TFDP2: variants seen among roughly 807,000 people sequenced by gnomAD.
TFDP2 encodes transcription factor Dp-2 (E2F dimerization partner 2).
In TFDP2, 17 loss-of-function variants were observed where a neutral mutation model predicts 59.3. The observed-to-expected ratio is 0.29, with a 90% CI of 0.20 to 0.43. The LOEUF (loss-of-function observed/expected upper bound fraction) is 0.43. Ranked by LOEUF, TFDP2 falls within the 20% of genes least tolerant of loss-of-function variation. The pLI, the probability that TFDP2 is intolerant of heterozygous loss-of-function variation, is 1.00. For missense variants in TFDP2, 391 were observed against 528.8 expected (o/e 0.74, Z 2.56); for synonymous variants, 180 against 194.7 (o/e 0.92, Z 0.63).
Position 141,973,892 on chromosome 3 carries a change from C to T in TFDP2, c.663+156G>A, listed in dbSNP as rs552496380. On this transcript the variant is annotated intron_variant, in intron 8 of 12. Coordinates refer to ENST00000489671, the MANE Select transcript of TFDP2 (RefSeq NM_001178139.2). The stretch of plus-strand genomic sequence containing the variant: ...TAAACTGCAGACTATACCTATAAGG[C>T]GCCTTCCAATTCTAAAATTCTACAG... 6.6e-5 allele frequency among the ~76,000 whole-genome samples: 10 copies of T among 152,128 alleles called. No homozygotes were observed. In the South Asian group the frequency reaches 1.0e-3, roughly 16 times the overall value.
rs1194533233 is a variant in TFDP2 at position 141,969,128 on chromosome 3, A to ATGTT, written c.732+944_732+945insAACA. Reference sequence around the variant, plus strand: ...TCTCATATATATGAGATATATATATAACATATATATCCCATATATATGAGA... The same window carrying ATGTT: ...TCTCATATATATGAGATATATATATATGTTACATATATATCCCATATATATGAGA... On this transcript the variant is annotated intron_variant, in intron 9 of 12. Transcript: ENST00000489671. 6.7e-4 allele frequency among the ~76,000 whole-genome samples: 52 copies of ATGTT among 77,170 alleles called. 7 individuals are homozygous for ATGTT. The highest frequency in any genetic ancestry group is 9.4e-4 in the Non-Finnish European group (42 of 44,740). The allele number at this position is 77,170 out of a possible 152,430, so 50.6% of individuals were successfully genotyped here.
At chr3:142,078,524 A>G (rs2060538465) in intron 3 of TFDP2, among the ~76,000 whole-genome samples, 2 of 152,238 alleles carry the variant, frequency 1.3e-5, no homozygotes, top group Admixed American at 6.5e-5. Flanking sequence ...TTCTTATCCA[A>G]GACTACCAAG....
intron 1 of TFDP2, among the ~76,000 whole-genome samples, chr3:142,123,036 C>A (rs952630258): frequency 6.6e-6 from 1 of 151,910 alleles, no homozygotes; most frequent in Non-Finnish European, 1.5e-5. Flanking sequence ...CGGCTCACTG[C>A]AACCAACTTT....
chr3:142,018,681 G>T (rs1483788402), intron 3 of TFDP2, among the ~76,000 whole-genome samples: 1 of 152,086 alleles, frequency 6.6e-6, no homozygotes, highest in Non-Finnish European at 1.5e-5. Context: ...CTGGGCTCAA[G>T]CAATCCTCCC....
intron 3 of TFDP2, among the ~76,000 whole-genome samples, chr3:142,025,011 A>T (rs1223892859): frequency 7.2e-6 from 1 of 138,980 alleles, no homozygotes; most frequent in East Asian, 2.1e-4. Flanking sequence ...CAACAGCGAG[A>T]CTCTGTCTCA....
intron 1 of TFDP2, among the ~76,000 whole-genome samples, chr3:142,118,018 A>G (rs1215579982): frequency 6.6e-6 from 1 of 152,170 alleles, no homozygotes; most frequent in Non-Finnish European, 1.5e-5. Flanking sequence ...GAATCCCTTG[A>G]ACCCGGGAGG....
At chr3:142,114,941 G>C (rs1048334489) in intron 1 of TFDP2, among the ~76,000 whole-genome samples, 6 of 151,868 alleles carry the variant, frequency 4.0e-5, no homozygotes, top group Admixed American at 6.6e-5. Flanking sequence ...TTTTCAAGAT[G>C]TCCTATAAAG....
intron 2 of TFDP2, among the ~76,000 whole-genome samples, chr3:142,095,375 C>T (rs528700168): frequency 6.6e-6 from 1 of 152,306 alleles, no homozygotes. Context: ...TAATTCAATG[C>T]TCTACTAAGA....
intron 1 of TFDP2, among the ~76,000 whole-genome samples, chr3:142,111,202 G>A (rs948330428): frequency 6.6e-6 from 1 of 152,142 alleles, no homozygotes; most frequent in African/African-American, 2.4e-5. Flanking sequence ...GCCGAGGCAG[G>A]TGGATTACCT....
chr3:141,968,888 AAC>A (rs1210635105), intron 9 of TFDP2, among the ~76,000 whole-genome samples: 43 of 90,004 alleles, frequency 4.8e-4, no homozygotes, highest in South Asian at 1.6e-3. Flanking sequence ...AGATATATAT[AAC>A]ACATATATAT....
rs1010511146 is a variant in TFDP2, at chr3:142,034,928, G to A, written c.83-29384C>T. 3.3e-5 allele frequency among the ~76,000 whole-genome samples: 5 copies of A among 151,854 alleles called. 1 individual carries two copies. The highest frequency in any genetic ancestry group is 4.8e-5 in the African/African-American group (2 of 41,314). On this transcript the variant is annotated intron_variant, in intron 3 of 12. Coordinates refer to ENST00000489671, the MANE Select transcript of TFDP2 (RefSeq NM_001178139.2). ...TCACCGTGTTAACCAAGATGGTCCC[G>A]ATCTCCTGACCTCGTGATCCGCCTG...
Position 141,953,319 on chromosome 3 carries a change from C to T in TFDP2, c.1052-303G>A, listed in dbSNP as rs142778656. On this transcript the variant is annotated intron_variant, in intron 11 of 12. Coordinates refer to ENST00000489671, the MANE Select transcript of TFDP2 (RefSeq NM_001178139.2). ...CTTAGATAAGCCCTCCAGAGCACAGCCCATGGGATACATCCCAGTGTACCA... is the reference window on the plus strand; with the variant it reads ...CTTAGATAAGCCCTCCAGAGCACAGTCCATGGGATACATCCCAGTGTACCA... Among the ~76,000 whole-genome samples, 59 of 152,288 alleles carry T rather than the reference C, an allele frequency of 3.9e-4. No homozygotes were observed. In the East Asian group the frequency reaches 0.011, roughly 28 times the overall value.
intron 3 of TFDP2, among the ~76,000 whole-genome samples, chr3:142,077,957 A>C (rs1445169535): frequency 6.6e-6 from 1 of 152,118 alleles, no homozygotes; most frequent in Non-Finnish European, 1.5e-5. Flanking sequence ...CATCAACCTT[A>C]AGGGTGAGTC....
intron 1 of TFDP2, among the ~76,000 whole-genome samples, chr3:142,144,392 C>T (rs1238253475): frequency 6.6e-6 from 1 of 150,422 alleles, no homozygotes; most frequent in African/African-American, 2.4e-5. Flanking sequence ...AGCGGGGCAG[C>T]AGGGGTGGAG....
intron 1 of TFDP2, among the ~76,000 whole-genome samples, chr3:142,110,197 TA>T (rs1041122641): frequency 2.6e-5 from 4 of 151,802 alleles, no homozygotes; most frequent in African/African-American, 7.3e-5. Context: ...TGCTCACTTT[TA>T]AAAATTGAAG....
chr3:142,103,318 G>A (rs1446537207), intron 1 of TFDP2, among the ~76,000 whole-genome samples: 1 of 151,610 alleles, frequency 6.6e-6, no homozygotes, highest in Non-Finnish European at 1.5e-5. Context: ...TCTTGGTCAG[G>A]ACACTGAACT....
chr3:141,985,650 C>A (rs1366358783), intron 6 of TFDP2, among the ~76,000 whole-genome samples: 2 of 151,422 alleles, frequency 1.3e-5, no homozygotes, highest in Non-Finnish European at 2.9e-5. Flanking sequence ...AAGAGCTAAA[C>A]CTATCAAACT....
At chr3:142,017,727 A>G (rs1421309638) in intron 3 of TFDP2, among the ~76,000 whole-genome samples, 2 of 150,974 alleles carry the variant, frequency 1.3e-5, no homozygotes, top group African/African-American at 4.9e-5. Context: ...TAATTTTTGT[A>G]TTTGTAGTAG....
chr3:142,141,607 G>A (rs1056062353), intron 1 of TFDP2, among the ~76,000 whole-genome samples: 1 of 152,114 alleles, frequency 6.6e-6, no homozygotes, highest in African/African-American at 2.4e-5. Flanking sequence ...CAGATCAGTT[G>A]AGGCCAGGAG....
Sources: allele counts gnomAD v4.1 joint callset (sites outside exome capture counted in the v4.1 genomes callset), GRCh38; gene constraint gnomAD v4.1.1; transcripts MANE v1.5; gene names NCBI Gene and HGNC (gene_info 2026-07-23, HGNC 2026-07-21).